AKAP6: variants seen among roughly 807,000 people sequenced by gnomAD.
AKAP6 encodes the protein A-kinase anchoring protein 6.
AKAP6 carries 58 observed loss-of-function variants against 188.5 expected under a neutral mutation model. The ratio of observed to expected loss-of-function variants is 0.31; its 90% CI spans 0.25 to 0.38. AKAP6 has a LOEUF of 0.38. Ranked by LOEUF, AKAP6 falls within the 10% of genes least tolerant of loss-of-function variation. AKAP6 has a pLI of 1.00. For missense variants in AKAP6, 2,710 were observed against 2,740.0 expected, an observed-to-expected ratio of 0.99 and a Z score of 0.24; for synonymous variants, 989 against 998.6, an observed-to-expected ratio of 0.99 and a Z score of 0.18.
chr14:32,770,629 A>G (rs1257154102), intron 11 of AKAP6, among the ~76,000 whole-genome samples: 2 of 152,012 alleles, frequency 1.3e-5, no homozygotes, highest in Admixed American at 1.3e-4. Flanking sequence ...ACTTTAACAT[A>G]CCTCTCAGCC....
chr14:32,814,748 G>A (rs1305032462), intron 12 of AKAP6, among the ~76,000 whole-genome samples: 1 of 151,652 alleles, frequency 6.6e-6, no homozygotes, highest in Non-Finnish European at 1.5e-5. Context: ...TATTTTTTGG[G>A]GACAGGGTCT....
chr14:32,500,315 C>T (rs1880544445), intron 2 of AKAP6, among the ~76,000 whole-genome samples: 1 of 152,116 alleles, frequency 6.6e-6, no homozygotes, highest in African/African-American at 2.4e-5. Context: ...TGGCAGATTG[C>T]CATGAAGTAT....
At chr14:32,533,318 G>A (rs1344358476) in intron 2 of AKAP6, among the ~76,000 whole-genome samples, 2 of 152,168 alleles carry the variant, frequency 1.3e-5, no homozygotes, top group East Asian at 3.8e-4. Context: ...TGGGAAAAAA[G>A]GGTGTTAGTA....
At chr14:32,597,957 AC>A (rs137885809) in intron 5 of AKAP6, among the ~76,000 whole-genome samples, 1,701 of 152,206 alleles carry the variant, frequency 0.011, 39 homozygotes, top group African/African-American at 0.039. Context: ...ACCACTGACC[AC>A]CCAGGATGAC....
chr14:32,742,738 A>G (rs1566680425), intron 11 of AKAP6, among the ~76,000 whole-genome samples: 1 of 151,886 alleles, frequency 6.6e-6, no homozygotes, highest in African/African-American at 2.4e-5. Flanking sequence ...AAGATGCTTG[A>G]TATTATTTAC....
At chr14:32,768,698 G>A (rs1049367149) in intron 11 of AKAP6, among the ~76,000 whole-genome samples, 3 of 152,134 alleles carry the variant, frequency 2.0e-5, no homozygotes, top group Admixed American at 6.5e-5. Context: ...TACTCAGCTA[G>A]ATTAATCCTC....
intron 2 of AKAP6, among the ~76,000 whole-genome samples, chr14:32,454,733 TTCCCTCCCTCCCTCCTTCCC>T (rs1891078585): frequency 3.4e-4 from 4 of 11,612 alleles, no homozygotes; most frequent in Admixed American, 1.3e-3. Context: ...CCTTCCCTCC[TTCCCTCCCTCCCTCCTTCCC>T]TCCCTCCCTC....
At chr14:32,716,586 T>A (rs1323909802) in intron 9 of AKAP6, among the ~76,000 whole-genome samples, 1 of 148,610 alleles carries the variant, frequency 6.7e-6, no homozygotes, top group African/African-American at 2.4e-5. Flanking sequence ...TTCCTGTCTT[T>A]TAGAAAATAC....
chr14:32,525,580 C>G (rs572294334), intron 2 of AKAP6, among the ~76,000 whole-genome samples: 1 of 152,294 alleles, frequency 6.6e-6, no homozygotes, highest in Admixed American at 6.5e-5. Context: ...TTTTCAGACC[C>G]TCTCCTAATC....
chr14:32,715,855 G>A (rs1005986793), intron 9 of AKAP6, among the ~76,000 whole-genome samples: 21 of 151,750 alleles, frequency 1.4e-4, no homozygotes, highest in Non-Finnish European at 2.1e-4. Context: ...GGAATTAGTG[G>A]CATAAAAGAG....
At chr14:32,514,632 T>A (rs957192423) in intron 2 of AKAP6, among the ~76,000 whole-genome samples, 4 of 152,212 alleles carry the variant, frequency 2.6e-5, no homozygotes, top group Admixed American at 6.5e-5. Context: ...TCAATGGAGT[T>A]ACTAGAAATT....
chr14:32,405,309 C>T (rs1253743962), intron 1 of AKAP6, among the ~76,000 whole-genome samples: 6 of 152,062 alleles, frequency 3.9e-5, no homozygotes, highest in African/African-American at 1.4e-4. Context: ...CTGGCTGACA[C>T]CTAGAGCAGA....
In AKAP6 at chr14:32,822,408, C is replaced by A; in HGVS notation, c.4595C>A (p.Ala1532Glu). 2.5e-6 allele frequency: 4 copies of A among 1,613,960 alleles called. No individual in the cohort carries two copies. Among genetic ancestry groups the A allele is most frequent in the Non-Finnish European group, 3.4e-6 (4 of 1,179,918 alleles). The change falls in exon 13 of 14, where the codon GCA becomes GAA. Residue 1532 changes from alanine to glutamate, a missense_variant. Physicochemically the swap from Ala to Glu is moderately radical, Grantham distance 107. Transcript: ENST00000280979. ...VPPHERILAS[A>E]SHEMDRISYK... ...CCCCATGAAAGGATTTTGGCAAGTG[C>A]ATCTCATGAAATGGATCGCATTTCA...
intron 7 of AKAP6, among the ~76,000 whole-genome samples, chr14:32,612,234 T>A (rs578063204): frequency 6.6e-6 from 1 of 152,292 alleles, no homozygotes; most frequent in African/African-American, 2.4e-5. Flanking sequence ...TGTTTATATC[T>A]TTCATAATTA....
intron 5 of AKAP6, among the ~76,000 whole-genome samples, chr14:32,579,402 G>A (rs1453109856): frequency 6.6e-6 from 1 of 152,132 alleles, no homozygotes; most frequent in Non-Finnish European, 1.5e-5. Flanking sequence ...GATTGGAATA[G>A]AGATATCATA....
At chr14:32,426,533 A>G (rs1309737136) in intron 1 of AKAP6, among the ~76,000 whole-genome samples, 1 of 152,188 alleles carries the variant, frequency 6.6e-6, no homozygotes, top group Non-Finnish European at 1.5e-5. Context: ...TACAAATTAT[A>G]TATTAAAGTT....
At chr14:32,630,341 T>C (rs1887215420) in intron 7 of AKAP6, among the ~76,000 whole-genome samples, 1 of 152,132 alleles carries the variant, frequency 6.6e-6, no homozygotes. Flanking sequence ...AAGATTTTTT[T>C]TCAACTATAA....
At chr14:32,460,278 A>G (rs777751263) in intron 2 of AKAP6, among the ~76,000 whole-genome samples, 1 of 152,208 alleles carries the variant, frequency 6.6e-6, no homozygotes, top group Non-Finnish European at 1.5e-5. Context: ...AGACAGAGAG[A>G]GAGGAAAGGT....
chr14:32,417,818 C>T (rs1343861823), intron 1 of AKAP6: 3 of 152,046 alleles, frequency 2.0e-5, no homozygotes, highest in African/African-American at 7.2e-5. Context: ...CTTATAGACT[C>T]CAGTTTAATT....
Sources: gnomAD v4.1 joint callset for allele counts (sites outside exome capture counted in the v4.1 genomes callset) on GRCh38, gnomAD v4.1.1 for gene constraint, MANE v1.5 for transcripts, NCBI Gene and HGNC (gene_info 2026-07-23, HGNC 2026-07-21) for gene names.